The following EPSTI1 variants were observed in gnomAD, a reference collection of about 807,000 sequenced individuals.
EPSTI1 encodes the protein epithelial-stromal interaction protein 1.
EPSTI1 carries 66 observed loss-of-function variants against 49.9 expected under a neutral mutation model. That is an observed-to-expected ratio of 1.32 (90% CI 1.08 to 1.62). The LOEUF is 1.62. Ranked by LOEUF, EPSTI1 falls within the 40% of genes most tolerant of loss-of-function variation. The pLI is 0.00. For synonymous variants in EPSTI1, 137 were observed against 130.7 expected, an observed-to-expected ratio of 1.05 and a Z score of -0.33; for missense variants, 394 against 365.5, an observed-to-expected ratio of 1.08 and a Z score of -0.64.
At chr13:42,953,840 G>T in intron 6 of EPSTI1, 108 bp downstream of exon 6, 1 of 792,526 alleles carries the variant, frequency 1.3e-6, no homozygotes, top group Non-Finnish European at 2.0e-6. Flanking sequence ...TAATACAACA[G>T]CCAATAATCC....
chr13:42,984,320 T>A (rs2040040414), intron 1 of EPSTI1, among the ~76,000 whole-genome samples: 2 of 152,248 alleles, frequency 1.3e-5, no homozygotes, highest in South Asian at 4.1e-4. Context: ...AGCAGAATTT[T>A]ATTCTCATAA....
chr13:42,942,376 C>T (rs1263508031), intron 6 of EPSTI1, among the ~76,000 whole-genome samples: 2 of 151,838 alleles, frequency 1.3e-5, no homozygotes, highest in South Asian at 2.1e-4. Context: ...TTCTTTTCTG[C>T]CTTTTATTGT....
chr13:42,968,211 G>T (rs1466562088), intron 3 of EPSTI1, among the ~76,000 whole-genome samples: 1 of 152,100 alleles, frequency 6.6e-6, no homozygotes, highest in Non-Finnish European at 1.5e-5. Flanking sequence ...TTGCACAAAG[G>T]AGGCACTTGA....
At chr13:42,968,150 C>G (rs575410362) in intron 3 of EPSTI1, among the ~76,000 whole-genome samples, 1 of 152,288 alleles carries the variant, frequency 6.6e-6, no homozygotes, top group African/African-American at 2.4e-5. Context: ...AGGGGCCAAG[C>G]TAGGAAAGAT....
rs1204065314 is a variant in EPSTI1, at chr13:42,886,717, T to C, written c.*1777A>G. 3 of 152,308 alleles carry C rather than the reference T, an allele frequency of 2.0e-5. No individual in the cohort carries two copies. The East Asian group carries it at 5.8e-4, about 29-fold the overall frequency. The allele number at this position is 152,308 out of a possible 1,614,324, so 9.4% of individuals were successfully genotyped here. A position where few individuals can be genotyped will look rare whatever the true frequency, so the allele number is the denominator to read the frequency against. ...TACATAGATATTTGGTTAAGCAAGATGTTTATACCCCCACACATATTCTAG... is the reference window on the plus strand; with the variant it reads ...TACATAGATATTTGGTTAAGCAAGACGTTTATACCCCCACACATATTCTAG... On this transcript the variant is annotated 3_prime_UTR_variant, in exon 11 of 11. Coordinates refer to ENST00000313624, the MANE Select transcript of EPSTI1 (RefSeq NM_033255.5).
intron 2 of EPSTI1, chr13:42,970,186 A>G (rs186453147): frequency 1.3e-5 from 2 of 152,998 alleles, no homozygotes; most frequent in East Asian, 3.8e-4. Flanking sequence ...TTGTGAACTA[A>G]ATGAACTTTA....
chr13:42,986,405 G>GAACCT (rs71651017), intron 1 of EPSTI1, among the ~76,000 whole-genome samples: 2 of 33,938 alleles, frequency 5.9e-5, no homozygotes, highest in Non-Finnish European at 2.6e-4. Flanking sequence ...GCTAGCTTAA[G>GAACCT]AGACTGGTAG....
chr13:42,976,481 T>A (rs1198471968), intron 1 of EPSTI1, among the ~76,000 whole-genome samples: 2 of 152,226 alleles, frequency 1.3e-5, no homozygotes, highest in Non-Finnish European at 2.9e-5. Flanking sequence ...ATATTTAGTA[T>A]TAACATTCAT....
chr13:42,927,197 T>G (rs1018958887), intron 6 of EPSTI1, among the ~76,000 whole-genome samples: 2 of 152,230 alleles, frequency 1.3e-5, no homozygotes, highest in African/African-American at 4.8e-5. Flanking sequence ...TGTTTTTACC[T>G]TAAAAATCCA....
At chr13:42,894,205 T>C (rs1204187901) in intron 10 of EPSTI1, among the ~76,000 whole-genome samples, 2 of 152,260 alleles carry the variant, frequency 1.3e-5, no homozygotes, top group Admixed American at 6.5e-5. Flanking sequence ...AAGTATTTAT[T>C]AAAGGAAGAT....
At chr13:42,917,493 G>T (rs1473636534) in intron 8 of EPSTI1, 48 bp downstream of exon 8, 1 of 1,444,558 alleles carries the variant, frequency 6.9e-7, no homozygotes, top group Non-Finnish European at 9.6e-7. Flanking sequence ...AAATTATCTA[G>T]TACCTCAAAT....
rs1474488414 is a variant in EPSTI1 at position 42,930,079 on chromosome 13, G to GTA, written c.564-3652_564-3651dup. ...GGTGATGTTAAGAACTACTACAGTA[G>GTA]TACAGATGGATATTCAATATGCATA... On this transcript the variant is annotated intron_variant, in intron 6 of 10. Transcript: ENST00000313624. 1.4e-4 allele frequency among the ~76,000 whole-genome samples: 22 copies of GTA among 152,308 alleles called. No individual in the cohort carries two copies. The East Asian group carries it at 4.0e-3, about 28-fold the overall frequency.
intron 6 of EPSTI1, among the ~76,000 whole-genome samples, chr13:42,929,829 C>A (rs182929120): frequency 6.6e-6 from 1 of 152,064 alleles, no homozygotes; most frequent in South Asian, 2.1e-4. Flanking sequence ...GATAAAAAAC[C>A]CCACACAGAC....
At position 42,992,220 on chromosome 13, in the gene EPSTI1, G is replaced by A; in HGVS notation, c.-55C>T. ...GTCGCTGCGGGAGGGATGCGGCTGGGACGCTTAGCGAGTCTCAAGATGGGA... is the reference window on the plus strand; with the variant it reads ...GTCGCTGCGGGAGGGATGCGGCTGGAACGCTTAGCGAGTCTCAAGATGGGA... On this transcript the variant is annotated 5_prime_UTR_variant, in exon 1 of 11. Transcript: ENST00000313624. 2 of 1,473,802 alleles carry A rather than the reference G, an allele frequency of 1.4e-6. No homozygotes were observed. The highest frequency in any genetic ancestry group is 1.4e-5 in the African/African-American group (1 of 70,858). The allele number at this position is 1,473,802 out of a possible 1,614,324, so 91.3% of individuals were successfully genotyped here. A position where few individuals can be genotyped will look rare whatever the true frequency, so the allele number is the denominator to read the frequency against.
chr13:42,938,775 C>G lies in EPSTI1; in HGVS notation c.564-12346G>C, dbSNP rs917947692. 2.6e-5 allele frequency among the ~76,000 whole-genome samples: 4 copies of G among 151,722 alleles called. No individual in the cohort carries two copies. The South Asian group carries it at 8.4e-4, about 32-fold the overall frequency. ...CTAAAAATACAAGAAATTGGCCAGG[C>G]ATGGTGGTGGGTGCCTGTAATCCCA... On this transcript the variant is annotated intron_variant, in intron 6 of 10. Transcript: ENST00000313624.
intron 3 of EPSTI1, among the ~76,000 whole-genome samples, chr13:42,966,661 G>A (rs1165323727): frequency 1.3e-5 from 1 of 77,606 alleles, no homozygotes; most frequent in Non-Finnish European, 2.9e-5. Context: ...GAGCGTCTCC[G>A]CCCGGCAGCC....
chr13:42,888,169 C>A lies in EPSTI1; in HGVS notation c.*325G>T. The A allele has an allele frequency of 1.3e-6, 2 of 1,505,838 alleles. No homozygotes were observed. Among genetic ancestry groups the A allele is most frequent in the Non-Finnish European group, 1.8e-6 (2 of 1,102,744 alleles). The allele number at this position is 1,505,838 out of a possible 1,614,324, so 93.3% of individuals were successfully genotyped here. A position where few individuals can be genotyped will look rare whatever the true frequency, so the allele number is the denominator to read the frequency against. On this transcript the variant is annotated 3_prime_UTR_variant, in exon 11 of 11. Coordinates refer to ENST00000313624, the MANE Select transcript of EPSTI1 (RefSeq NM_033255.5). ...ACTTAGAAAGACAAGCCTGTAGCAC[C>A]CATAGCTCTGATTAACCTGAAAGCA...
intron 6 of EPSTI1, among the ~76,000 whole-genome samples, chr13:42,944,166 C>T (rs934072746): frequency 6.6e-5 from 10 of 152,088 alleles, no homozygotes; most frequent in Non-Finnish European, 1.2e-4. Context: ...GTCCCATTAT[C>T]GGGTATATAC....
At chr13:42,957,206 T>A (rs1424001686) in intron 5 of EPSTI1, among the ~76,000 whole-genome samples, 1 of 152,232 alleles carries the variant, frequency 6.6e-6, no homozygotes, top group Non-Finnish European at 1.5e-5. Context: ...ATTACTATCA[T>A]TTAAGAGCAC....
Sources: allele counts gnomAD v4.1 joint callset (sites outside exome capture counted in the v4.1 genomes callset), GRCh38; gene constraint gnomAD v4.1.1; transcripts MANE v1.5; gene names NCBI Gene and HGNC (gene_info 2026-07-23, HGNC 2026-07-21).